The following TMED7 variants were observed in gnomAD, a reference collection of about 807,000 sequenced individuals.
TMED7 encodes transmembrane emp24 domain-containing protein 7.
A neutral mutation model predicts 23.4 loss-of-function variants in TMED7; 8 were observed. That is an observed-to-expected ratio of 0.34 (90% confidence interval 0.20 to 0.62). The LOEUF is 0.62. Among genes scored for constraint, TMED7 ranks in the 20% least tolerant of loss-of-function variants. TMED7 has a pLI of 0.77. For synonymous variants in TMED7, 121 were observed against 108.5 expected, an observed-to-expected ratio of 1.12 and a Z score of -0.72; for missense variants, 232 against 279.1, an observed-to-expected ratio of 0.83 and a Z score of 1.20.
In TMED7 at chr5:115,616,049, G is replaced by A; in HGVS notation, c.*160C>T. On this transcript the variant is annotated 3_prime_UTR_variant, in exon 3 of 3. Transcript: ENST00000456936. ...TCCACCTTTACAAATAAAAAAAGGT[G>A]TCCTTTCCACAGTTTGGGAATATGC... 1 of 726,796 alleles carries A rather than the reference G, an allele frequency of 1.4e-6. No homozygotes were observed. The highest frequency in any genetic ancestry group is 1.9e-5 in the South Asian group (1 of 51,444). The allele number at this position is 726,796 out of a possible 1,614,324, so 45.0% of individuals were successfully genotyped here.
Position 115,615,949 on chromosome 5 carries a change from A to G in TMED7, c.*260T>C. 2.1e-6 allele frequency: 1 copy of G among 466,766 alleles called. No homozygotes were observed. Among genetic ancestry groups the G allele is most frequent in the Non-Finnish European group, 3.8e-6 (1 of 259,872 alleles). 28.9% of individuals were successfully genotyped at this position (466,766 alleles called of 1,614,324 possible). On this transcript the variant is annotated 3_prime_UTR_variant, in exon 3 of 3. Transcript: ENST00000456936. ...AGTTTAGTGTGCGAAGAGTAGATAT[A>G]AACAACTGCGAACAGAGTAGATCAT...
intron 1 of TMED7, among the ~76,000 whole-genome samples, chr5:115,622,678 A>G (rs767436935): frequency 6.6e-6 from 1 of 152,118 alleles, no homozygotes; most frequent in African/African-American, 2.4e-5. Context: ...ATCTTTCCTC[A>G]TTCCCCATTG....
At chr5:115,625,531 C>T (rs1011615554) in intron 1 of TMED7, 70 bp downstream of exon 1, 2 of 1,394,804 alleles carry the variant, frequency 1.4e-6, no homozygotes, top group Non-Finnish European at 1.9e-6. Context: ...AGGAAAGTGC[C>T]ATCCCTCAAG....
In TMED7 at chr5:115,620,528, A is replaced by G; in HGVS notation, c.345T>C (p.Ser115=). Residue 115 remains serine (S), a synonymous_variant, in exon 2 of 3, where the codon TCT becomes TCC. Transcript: ENST00000456936. ...AATATACAGTTTTATGTGTGAAAGT[A>G]GAAAATTCATTGCTGAAGCAAAATT... The part of the protein sequence containing the change: ...TYKFCFSNEF[S]TFTHKTVYFD... The G allele has an allele frequency of 6.2e-7, 1 of 1,605,528 alleles. No individual in the cohort carries two copies. Among genetic ancestry groups the G allele is most frequent in the South Asian group, 1.1e-5 (1 of 88,974 alleles).
chr5:115,617,584 G>C (rs1756825451), intron 2 of TMED7, among the ~76,000 whole-genome samples: 1 of 131,352 alleles, frequency 7.6e-6, no homozygotes, highest in African/African-American at 3.1e-5. Flanking sequence ...GAGCTAGAGA[G>C]AGATGTGCTT....
chr5:115,614,596 T>C lies in TMED7; in HGVS notation c.*1613A>G, dbSNP rs943659490. On this transcript the variant is annotated 3_prime_UTR_variant, in exon 3 of 3. Coordinates refer to ENST00000456936, the MANE Select transcript of TMED7 (RefSeq NM_181836.6). ...AAACTTCTTAATCCATTGATAAATATTAAGGAGTAGCTGGTCTTCAAACAC... is the reference window on the plus strand; with the variant it reads ...AAACTTCTTAATCCATTGATAAATACTAAGGAGTAGCTGGTCTTCAAACAC... 3 of 152,280 alleles carry C rather than the reference T, an allele frequency of 2.0e-5. No individual in the cohort carries two copies. The highest frequency in any genetic ancestry group is 1.3e-4 in the Admixed American group (2 of 15,274). The allele number at this position is 152,280 out of a possible 1,614,324, so 9.4% of individuals were successfully genotyped here.
rs1482810173 is a variant in TMED7, at chr5:115,620,636, A to T, written c.237T>A (p.Asp79Glu). 1.3e-6 allele frequency: 2 copies of T among 1,575,006 alleles called. No homozygotes were observed. Among genetic ancestry groups the T allele is most frequent in the Non-Finnish European group, 1.7e-6 (2 of 1,161,984 alleles). ...GHYDVDCRLE[D>E]PDGKVLYKEM... The stretch of plus-strand genomic sequence containing the variant: ...CTTTGTATAACACTTTACCATCAGG[A>T]TCTTCTAATCGACAATCTACATCAT... Residue 79 changes from aspartate (D) to glutamate (E), a missense_variant, in exon 2 of 3, where the codon GAT becomes GAA. Transcript: ENST00000456936.
rs984420368 is a variant in TMED7, at chr5:115,613,819, T to G, written c.*2390A>C. 2 of 152,550 alleles carry G rather than the reference T, an allele frequency of 1.3e-5. No individual in the cohort carries two copies. Among genetic ancestry groups the G allele is most frequent in the African/African-American group, 4.8e-5 (2 of 41,444 alleles). The allele number at this position is 152,550 out of a possible 1,614,324, so 9.4% of individuals were successfully genotyped here. ...TGTGAACCACAAACCATTTGTTTAT[T>G]TAATAGAAAAAAGAATGTGTAGATT... On this transcript the variant is annotated 3_prime_UTR_variant, in exon 3 of 3. Transcript: ENST00000456936.
Position 115,625,945 on chromosome 5 carries a change from A to T in TMED7, c.-153T>A. On this transcript the variant is annotated 5_prime_UTR_variant, in exon 1 of 3. Coordinates refer to ENST00000456936, the MANE Select transcript of TMED7 (RefSeq NM_181836.6). The stretch of plus-strand genomic sequence containing the variant: ...CTGTGGGAGATTCGGGATCAGAGCG[A>T]CCCTCCGGCTTCCTGTGAGGGGCGC... The T allele has an allele frequency of 9.0e-7, 1 of 1,109,960 alleles. No homozygotes were observed. The highest frequency in any genetic ancestry group is 1.2e-6 in the Non-Finnish European group (1 of 867,492). The allele number at this position is 1,109,960 out of a possible 1,614,324, so 68.8% of individuals were successfully genotyped here.
intron 2 of TMED7, 161 bp from the exon 3 acceptor site, chr5:115,616,606 AC>A (rs1412745024): frequency 2.4e-5 from 25 of 1,052,070 alleles, no homozygotes; most frequent in South Asian, 4.9e-5. Flanking sequence ...TTGCAATGAA[AC>A]CCCCCTGCTC....
intron 1 of TMED7, among the ~76,000 whole-genome samples, chr5:115,624,930 T>G (rs569026531): frequency 2.4e-4 from 36 of 152,356 alleles, no homozygotes; most frequent in Non-Finnish European, 4.3e-4. Context: ...CGACCACTTC[T>G]GTACCACTGG....
In TMED7 at chr5:115,615,844, C is replaced by T. The variant is rs1756709409; in HGVS notation, c.*365G>A. ...TTTCTTCCTCCCTAACACATGTAGACATTAAATCTAAAGTTTTTAAAATAT... is the reference window on the plus strand; with the variant it reads ...TTTCTTCCTCCCTAACACATGTAGATATTAAATCTAAAGTTTTTAAAATAT... On this transcript the variant is annotated 3_prime_UTR_variant, in exon 3 of 3. Transcript: ENST00000456936. 1.6e-5 allele frequency: 4 copies of T among 245,510 alleles called. No individual in the cohort carries two copies. In the South Asian group the frequency reaches 2.3e-4, roughly 14 times the overall value. The allele number at this position is 245,510 out of a possible 1,614,324, so 15.2% of individuals were successfully genotyped here.
chr5:115,621,712 T>A (rs1461443716), intron 1 of TMED7, among the ~76,000 whole-genome samples: 1 of 152,120 alleles, frequency 6.6e-6, no homozygotes, highest in Admixed American at 6.5e-5. Context: ...CTTCCTTACA[T>A]GAGAAAGAAC....
intron 2 of TMED7, 196 bp from the exon 3 acceptor site, chr5:115,616,641 G>T: frequency 1.3e-6 from 1 of 777,484 alleles, no homozygotes; most frequent in Non-Finnish European, 2.0e-6. Flanking sequence ...CAACTGTTAA[G>T]GCTAGAGATC....
intron 2 of TMED7, among the ~76,000 whole-genome samples, chr5:115,617,599 G>A (rs1312641103): frequency 1.1e-5 from 1 of 87,174 alleles, no homozygotes; most frequent in Non-Finnish European, 2.3e-5. Context: ...GTGCTTCTAG[G>A]ATTTGCTTTC....
chr5:115,620,782 G>T (rs1204968754), intron 1 of TMED7, 102 bp from the exon 2 acceptor site: 72 of 1,249,268 alleles, frequency 5.8e-5, no homozygotes, highest in Non-Finnish European at 7.2e-5. Flanking sequence ...ATGGGCAAAG[G>T]ACTTTTACTA....
At position 115,625,831 on chromosome 5, in the gene TMED7, C is replaced by T; in HGVS notation, c.-39G>A. 7.2e-7 allele frequency: 1 copy of T among 1,382,322 alleles called. No individual in the cohort carries two copies. The highest frequency in any genetic ancestry group is 3.0e-5 in the East Asian group (1 of 33,200). 85.6% of individuals were successfully genotyped at this position (1,382,322 alleles called of 1,614,324 possible). ...CGGCGGCCTCAACCGAGCTGCGAGA[C>T]GCAGGGTCAGGTCTGCGCGGACTCA... is the stretch of plus-strand genomic sequence containing the variant. On this transcript the variant is annotated 5_prime_UTR_variant, in exon 1 of 3. Transcript: ENST00000456936.
At chr5:115,618,813 C>T (rs967489706) in intron 2 of TMED7, among the ~76,000 whole-genome samples, 3 of 152,180 alleles carry the variant, frequency 2.0e-5, no homozygotes, top group South Asian at 4.1e-4. Context: ...TTAGTAGTGA[C>T]TGCTGATCAT....
rs1432782409 is a variant in TMED7 at position 115,615,305 on chromosome 5, C to T, written c.*904G>A. The T allele has an allele frequency of 2.6e-5, 4 of 152,542 alleles. No individual in the cohort carries two copies. The highest frequency in any genetic ancestry group is 9.7e-5 in the African/African-American group (4 of 41,438). The allele number at this position is 152,542 out of a possible 1,614,324, so 9.4% of individuals were successfully genotyped here. On this transcript the variant is annotated 3_prime_UTR_variant, in exon 3 of 3. Transcript: ENST00000456936. ...ATGGCACTTATGTGTGAGACTAATA[C>T]TAACAATTGTTAATTTAAGCTGGGA...
Sources: allele counts gnomAD v4.1 joint callset (sites outside exome capture counted in the v4.1 genomes callset), GRCh38; gene constraint gnomAD v4.1.1; transcripts MANE v1.5; gene names NCBI Gene and HGNC (gene_info 2026-07-23, HGNC 2026-07-21).